The following NBEA variants were observed in gnomAD, a reference collection of about 807,000 sequenced individuals.
NBEA encodes neurobeachin, also known as lysosomal-trafficking regulator 2.
In NBEA, 44 loss-of-function variants were observed where a neutral mutation model predicts 343.4. The ratio of observed to expected loss-of-function variants is 0.13; its 90% CI spans 0.10 to 0.16. The LOEUF (loss-of-function observed/expected upper bound fraction) is 0.16. NBEA is among the 10% of genes least tolerant of loss of function. The probability of loss-of-function intolerance (pLI) is 1.00; values close to 1 mark genes in which losing one functional copy is unlikely to be tolerated. For synonymous variants in NBEA, 1,175 were observed against 1,238.7 expected (o/e 0.95, Z 1.08); for missense variants, 2,555 against 3,631.3 (o/e 0.70, Z 7.62).
rs181691585 is a variant in NBEA at position 35,477,562 on chromosome 13, A to G, written c.6585+5026A>G. Among the ~76,000 whole-genome samples the G allele has an allele frequency of 2.7e-3, 413 of 152,328 alleles. 5 individuals are homozygous for G. The highest frequency in any genetic ancestry group is 4.9e-3 in the Non-Finnish European group (330 of 68,026). On this transcript the variant is annotated intron_variant, in intron 41 of 58. Coordinates refer to ENST00000379939, the MANE Select transcript of NBEA (RefSeq NM_001385012.1). ...CATAGTGACCTGTATTTTAGTACAT[A>G]AAATTCAGGTGAGATCATAGAGATC...
intron 47 of NBEA, among the ~76,000 whole-genome samples, chr13:35,595,266 C>T (rs1295093930): frequency 6.6e-6 from 1 of 151,966 alleles, no homozygotes; most frequent in Non-Finnish European, 1.5e-5. Flanking sequence ...GGACAAAGAC[C>T]AATGTGGATA....
At chr13:35,498,161 T>C (rs2076752255) in intron 41 of NBEA, among the ~76,000 whole-genome samples, 1 of 152,060 alleles carries the variant, frequency 6.6e-6, no homozygotes, top group Non-Finnish European at 1.5e-5. Flanking sequence ...ATAAGGATAT[T>C]TTACTGTTTA....
chr13:35,328,742 C>G (rs779902627), intron 36 of NBEA, among the ~76,000 whole-genome samples: 3 of 150,028 alleles, frequency 2.0e-5, no homozygotes, highest in Non-Finnish European at 3.0e-5. Context: ...AAGTGAGAGA[C>G]ACAACACAAA....
At chr13:35,266,443 T>C (rs2033684737) in intron 34 of NBEA, among the ~76,000 whole-genome samples, 2 of 151,818 alleles carry the variant, frequency 1.3e-5, no homozygotes, top group African/African-American at 4.8e-5. Flanking sequence ...AGTTTAAGTG[T>C]CCATTAACAG....
At chr13:34,998,787 C>T (rs9599951) in intron 1 of NBEA, among the ~76,000 whole-genome samples, 3,841 of 152,034 alleles carry the variant, frequency 0.025, 64 homozygotes, top group Non-Finnish European at 0.038. Context: ...GTGCAGTTAA[C>T]GCAATCATCA....
chr13:35,029,303 AC>A (rs1431621145), intron 1 of NBEA, among the ~76,000 whole-genome samples: 1 of 151,166 alleles, frequency 6.6e-6, no homozygotes, highest in East Asian at 1.9e-4. Context: ...TCCAAGAAAA[AC>A]CATCTTTGTG....
At chr13:35,332,893 CGT>C (rs1052266458) in intron 36 of NBEA, among the ~76,000 whole-genome samples, 4 of 152,070 alleles carry the variant, frequency 2.6e-5, no homozygotes, top group Non-Finnish European at 4.4e-5. Flanking sequence ...AGGACTCCTT[CGT>C]GGCCAGCACT....
chr13:35,610,505 G>A (rs1321357970), intron 48 of NBEA, among the ~76,000 whole-genome samples: 1 of 152,040 alleles, frequency 6.6e-6, no homozygotes, highest in Non-Finnish European at 1.5e-5. Context: ...CAAAAAAAAG[G>A]AAGGGGAAGG....
chr13:35,564,886 C>A (rs926076245), intron 44 of NBEA, among the ~76,000 whole-genome samples: 1 of 152,198 alleles, frequency 6.6e-6, no homozygotes, highest in Non-Finnish European at 1.5e-5. Flanking sequence ...AAATTTGGGT[C>A]ATTTTATTCC....
At chr13:35,668,885 G>A (rs1233902968) in intron 58 of NBEA, among the ~76,000 whole-genome samples, 1 of 152,156 alleles carries the variant, frequency 6.6e-6, no homozygotes, top group African/African-American at 2.4e-5. Flanking sequence ...GCAGAGGTGG[G>A]ATTCAGTGTG....
chr13:35,263,263 T>C (rs2033371292), intron 34 of NBEA, among the ~76,000 whole-genome samples: 1 of 151,190 alleles, frequency 6.6e-6, no homozygotes, highest in Non-Finnish European at 1.5e-5. Context: ...GATATCCACA[T>C]GCAAAAGAAT....
chr13:34,943,094 G>C lies in NBEA; in HGVS notation c.274G>C (p.Val92Leu), dbSNP rs772836368. Residue 92 changes from valine (V) to leucine (L), a missense_variant, in exon 1 of 59, where the codon GTG (valine) becomes CTG (leucine). By Grantham distance (32) the Val-to-Leu change is conservative. Coordinates refer to ENST00000379939, the MANE Select transcript of NBEA (RefSeq NM_001385012.1). ...QVGEVSNRDI[V>L]ETVLNLLVGG... ...CGGAGAGGTCAGCAACAGGGACATC[G>C]TGGAGACGGTGCTCAACCTGGTAAG... 1 of 1,613,612 alleles carries C rather than the reference G, an allele frequency of 6.2e-7. No individual in the cohort carries two copies. Among genetic ancestry groups the C allele is most frequent in the South Asian group, 1.1e-5 (1 of 91,080 alleles).
intron 36 of NBEA, among the ~76,000 whole-genome samples, chr13:35,335,482 A>T (rs904203314): frequency 1.3e-5 from 2 of 150,684 alleles, no homozygotes; most frequent in Non-Finnish European, 3.0e-5. Context: ...TGAACACAGA[A>T]TATCATTCCA....
rs1293177325 is a variant in NBEA at position 35,171,461 on chromosome 13, G to A, written c.4423+9G>A. The A allele has an allele frequency of 1.2e-6, 2 of 1,601,946 alleles. No individual in the cohort carries two copies. Among genetic ancestry groups the A allele is most frequent in the East Asian group, 2.2e-5 (1 of 44,682 alleles). ...ACAGTGCCTAAGATTAGGTAAGTCT[G>A]TTAAAACAATAGTGCATGTCAAATA... On this transcript the variant is annotated intron_variant, in intron 26 of 58. Transcript: ENST00000379939.
chr13:35,046,237 G>A (rs1008451613), intron 4 of NBEA, among the ~76,000 whole-genome samples: 1 of 152,098 alleles, frequency 6.6e-6, no homozygotes, highest in Non-Finnish European at 1.5e-5. Flanking sequence ...TAAAATTGCT[G>A]TGAACATTTG....
chr13:35,175,861 C>G (rs2070859793), intron 27 of NBEA, among the ~76,000 whole-genome samples: 1 of 151,984 alleles, frequency 6.6e-6, no homozygotes, highest in Non-Finnish European at 1.5e-5. Context: ...CATTTTTATA[C>G]TGTGTGAAAA....
intron 40 of NBEA, among the ~76,000 whole-genome samples, chr13:35,468,426 T>C (rs968790171): frequency 2.6e-5 from 4 of 152,230 alleles, no homozygotes; most frequent in Admixed American, 6.5e-5. Context: ...TTGGCTAATA[T>C]GAGTGACTGC....
intron 34 of NBEA, among the ~76,000 whole-genome samples, chr13:35,277,719 A>G (rs2034720660): frequency 6.6e-6 from 1 of 151,800 alleles, no homozygotes; most frequent in Admixed American, 6.6e-5. Flanking sequence ...AAATACACAT[A>G]TTCTAAAGGA....
At chr13:35,288,731 A>C (rs1198704416) in intron 34 of NBEA, among the ~76,000 whole-genome samples, 2 of 151,974 alleles carry the variant, frequency 1.3e-5, no homozygotes, top group Non-Finnish European at 2.9e-5. Flanking sequence ...ACTCATACAC[A>C]AAATGTATGC....
Sources: gnomAD v4.1 joint callset for allele counts (sites outside exome capture counted in the v4.1 genomes callset) on GRCh38, gnomAD v4.1.1 for gene constraint, MANE v1.5 for transcripts, NCBI Gene and HGNC (gene_info 2026-07-23, HGNC 2026-07-21) for gene names.